The following KAZN variants were observed in gnomAD, a reference collection of about 807,000 sequenced individuals.
KAZN encodes kazrin, periplakin interacting protein, also known as kazrin.
In KAZN, 40 loss-of-function variants were observed where a neutral mutation model predicts 87.4. The ratio of observed to expected loss-of-function variants is 0.46; its 90% CI spans 0.36 to 0.60. KAZN has a LOEUF of 0.60. Ranked by LOEUF, KAZN falls within the 20% of genes least tolerant of loss-of-function variation. The probability of loss-of-function intolerance (pLI) is 0.00; values close to 1 mark genes in which losing one functional copy is unlikely to be tolerated. For missense variants in KAZN, 898 were observed against 1,073.9 expected, an observed-to-expected ratio of 0.84 and a Z score of 2.29; for synonymous variants, 466 against 458.3, an observed-to-expected ratio of 1.02 and a Z score of -0.22.
intron 1 of KAZN, among the ~76,000 whole-genome samples, chr1:14,952,018 A>G (rs547918460): frequency 3.3e-5 from 5 of 152,028 alleles, no homozygotes; most frequent in Admixed American, 6.5e-5. Flanking sequence ...AATGTCTGTG[A>G]GCCTCAGGCG....
At chr1:14,246,435 A>G (rs189530711) in intron 2 of KAZN, among the ~76,000 whole-genome samples, 1 of 152,318 alleles carries the variant, frequency 6.6e-6, no homozygotes, top group Admixed American at 6.5e-5. Flanking sequence ...AGAACACTTT[A>G]TTAAAAACAT....
chr1:15,050,525 G>T (rs373252723), intron 4 of KAZN, among the ~76,000 whole-genome samples: 1 of 152,208 alleles, frequency 6.6e-6, no homozygotes, highest in African/African-American at 2.4e-5. Context: ...GGAGAAGCAG[G>T]AGGGCTTGGC....
chr1:14,270,048 A>C (rs1014926142), intron 2 of KAZN, among the ~76,000 whole-genome samples: 3 of 152,128 alleles, frequency 2.0e-5, no homozygotes, highest in African/African-American at 7.2e-5. Flanking sequence ...CATTCATGAG[A>C]GATGCACCTC....
chr1:14,790,298 C>T (rs1645636136), intron 1 of KAZN, among the ~76,000 whole-genome samples: 1 of 152,028 alleles, frequency 6.6e-6, no homozygotes, highest in South Asian at 2.1e-4. Flanking sequence ...AGGCGTGAGC[C>T]ACCATGCCTG....
At chr1:14,393,621 TC>T (rs1393708973) in intron 2 of KAZN, among the ~76,000 whole-genome samples, 2 of 152,026 alleles carry the variant, frequency 1.3e-5, no homozygotes. Flanking sequence ...AGTGGCACCC[TC>T]CCCAGTCTCT....
chr1:14,571,265 G>A (rs1674848399), intron 2 of KAZN, among the ~76,000 whole-genome samples: 1 of 151,454 alleles, frequency 6.6e-6, no homozygotes, highest in Non-Finnish European at 1.5e-5. Flanking sequence ...TACTATTGAG[G>A]AATAAAATTA....
At chr1:14,196,894 A>C (rs1020327893) in intron 2 of KAZN, among the ~76,000 whole-genome samples, 1 of 152,094 alleles carries the variant, frequency 6.6e-6, no homozygotes, top group African/African-American at 2.4e-5. Context: ...AAAGTGAAGG[A>C]GGCTTCAAAG....
chr1:14,781,056 A>T (rs895905328), intron 1 of KAZN, among the ~76,000 whole-genome samples: 2 of 152,024 alleles, frequency 1.3e-5, no homozygotes, highest in South Asian at 4.2e-4. Context: ...GGCGCGGAGG[A>T]TCACACCTGT....
intron 1 of KAZN, among the ~76,000 whole-genome samples, chr1:14,900,102 G>A (rs1262108775): frequency 3.3e-5 from 5 of 152,210 alleles, no homozygotes; most frequent in Non-Finnish European, 7.3e-5. Flanking sequence ...GTGTATCCCA[G>A]GGCTCAATGC....
chr1:14,474,305 A>T (rs889257484), intron 2 of KAZN, among the ~76,000 whole-genome samples: 1 of 148,126 alleles, frequency 6.8e-6, no homozygotes, highest in South Asian at 2.1e-4. Flanking sequence ...AACGTACTTT[A>T]AAAAAAAAAG....
chr1:14,229,802 T>A (rs995303017), intron 2 of KAZN, among the ~76,000 whole-genome samples: 25 of 152,258 alleles, frequency 1.6e-4, no homozygotes, highest in Non-Finnish European at 4.4e-5. Flanking sequence ...TACAGGAAGA[T>A]GTTCTGAAAA....
intron 2 of KAZN, among the ~76,000 whole-genome samples, chr1:14,419,496 G>C (rs535687934): frequency 1.3e-5 from 2 of 152,334 alleles, no homozygotes; most frequent in African/African-American, 4.8e-5. Flanking sequence ...GGACTTACCA[G>C]AGTGTTAGGC....
intron 1 of KAZN, among the ~76,000 whole-genome samples, chr1:14,169,723 G>A (rs899139805): frequency 1.3e-5 from 2 of 152,182 alleles, no homozygotes; most frequent in Admixed American, 1.3e-4. Flanking sequence ...TGATAGCTGG[G>A]TGTCATCACT....
intron 4 of KAZN, among the ~76,000 whole-genome samples, chr1:15,044,730 C>CAA (rs35013376): frequency 0.03 from 3,314 of 110,558 alleles, 107 homozygotes; most frequent in African/African-American, 0.098. Flanking sequence ...CTGTCTCAAA[C>CAA]AAAAAAAAAA....
At chr1:14,360,876 C>T (rs12088240) in intron 2 of KAZN, among the ~76,000 whole-genome samples, 29,339 of 152,194 alleles carry the variant, frequency 0.19, 3,363 homozygotes, top group Admixed American at 0.27. Flanking sequence ...TGCCTGTCAA[C>T]CCCTGCTGGG....
intron 1 of KAZN, among the ~76,000 whole-genome samples, chr1:14,955,745 G>A (rs753932859): frequency 4.3e-4 from 65 of 152,320 alleles, no homozygotes; most frequent in South Asian, 4.1e-4. Context: ...ATGGCACCCA[G>A]CTCCATCTCA....
chr1:14,348,109 G>A (rs1658250618), intron 2 of KAZN, among the ~76,000 whole-genome samples: 1 of 147,690 alleles, frequency 6.8e-6, no homozygotes, highest in Non-Finnish European at 1.5e-5. Context: ...GGAGTGCAGT[G>A]GCATCATCTC....
intron 2 of KAZN, among the ~76,000 whole-genome samples, chr1:14,567,492 C>T (rs758487191): frequency 2.0e-5 from 3 of 152,136 alleles, no homozygotes; most frequent in Non-Finnish European, 4.4e-5. Flanking sequence ...CACCAATAGA[C>T]TTACTCAGCA....
At position 15,094,378 on chromosome 1, in the gene KAZN, G is replaced by A. The variant is rs1030909451; in HGVS notation, c.1421G>A (p.Ser474Asn). 3.7e-6 allele frequency: 6 copies of A among 1,611,922 alleles called. No individual in the cohort carries two copies. In the East Asian group the frequency reaches 6.7e-5, roughly 18 times the overall value. ...YVKACTENVKSGKVLLSLSDE... is the reference protein window; with the variant it reads ...YVKACTENVKNGKVLLSLSDE... ...AAGGCCTGCACGGAGAACGTGAAGA[G>A]CGGGAAGGTAGGCAACTCCGGGCCC... Residue 474 changes from serine to asparagine, a missense_variant, in exon 9 of 15, where the codon AGC (serine) becomes AAC (asparagine). Transcript: ENST00000376030. This position sits in a 1 kb window ranked among gnomAD's most constrained non-coding sequence, Gnocchi z 4.5.
Sources: gnomAD v4.1 joint callset for allele counts (sites outside exome capture counted in the v4.1 genomes callset) on GRCh38, gnomAD v4.1.1 for gene constraint, Gnocchi (gnomAD v3.1) non-coding constraint, MANE v1.5 for transcripts, NCBI Gene and HGNC (gene_info 2026-07-23, HGNC 2026-07-21) for gene names.